The following MACROH2A1 variants were observed in gnomAD, a reference collection of about 807,000 sequenced individuals.
MACROH2A1 encodes core histone macro-H2A.1.
A neutral mutation model predicts 31.6 loss-of-function variants in MACROH2A1; 2 were observed. That is an observed-to-expected ratio of 0.06 (90% CI 0.03 to 0.20). The LOEUF (loss-of-function observed/expected upper bound fraction) is 0.20, where lower values mean the gene tolerates loss of function less well. MACROH2A1 is among the 10% of genes least tolerant of loss of function. The pLI is 1.00. For synonymous variants in MACROH2A1, 169 were observed against 189.6 expected (o/e 0.89, Z 0.89); for missense variants, 230 against 474.0 (o/e 0.49, Z 4.78).
intron 5 of MACROH2A1, chr5:135,359,527 C>T: frequency 1.0e-6 from 1 of 984,766 alleles, no homozygotes; most frequent in Non-Finnish European, 1.2e-6. Flanking sequence ...ACACAGAGTC[C>T]ACCACAGGAA....
intron 4 of MACROH2A1, among the ~76,000 whole-genome samples, chr5:135,367,133 C>G (rs114856249): frequency 6.6e-6 from 1 of 152,230 alleles, no homozygotes; most frequent in African/African-American, 2.4e-5. Context: ...AAGGCTTTCT[C>G]TGCATGTCCC....
chr5:135,358,350 A>G, intron 5 of MACROH2A1: 2 of 985,436 alleles, frequency 2.0e-6, no homozygotes, highest in Non-Finnish European at 2.4e-6. Context: ...TATTTTGGAA[A>G]CATGGAGTTT....
intron 8 of MACROH2A1, among the ~76,000 whole-genome samples, chr5:135,342,025 G>A (rs1759971142): frequency 6.6e-6 from 1 of 152,256 alleles, no homozygotes; most frequent in African/African-American, 2.4e-5. Context: ...AGAACCCCAG[G>A]TTATGGCTCC....
chr5:135,365,677 A>G (rs1469105665), intron 4 of MACROH2A1, among the ~76,000 whole-genome samples: 4 of 152,248 alleles, frequency 2.6e-5, no homozygotes, highest in Non-Finnish European at 5.9e-5. Context: ...AAGATGAGGC[A>G]GTTTTTGAGA....
At chr5:135,352,866 G>A in intron 6 of MACROH2A1, 80 bp downstream of exon 6, 1 of 828,500 alleles carries the variant, frequency 1.2e-6, no homozygotes, top group Non-Finnish European at 2.1e-6. Context: ...TGTAAAGTCT[G>A]GGAAGATGAA....
In MACROH2A1 at chr5:135,334,701, T is replaced by A. The variant is rs1758377504; in HGVS notation, c.*275A>T. On this transcript the variant is annotated 3_prime_UTR_variant, in exon 9 of 9. Transcript: ENST00000511689. Reference sequence around the variant, plus strand: ...CTGCTGTGCGTCAATCAGGGTTTCATTAAAATAAAACTATAAAATCTCCTA... The same window carrying A: ...CTGCTGTGCGTCAATCAGGGTTTCAATAAAATAAAACTATAAAATCTCCTA... 1 of 332,278 alleles carries A rather than the reference T, an allele frequency of 3.0e-6. No homozygotes were observed. The highest frequency in any genetic ancestry group is 4.4e-5 in the Admixed American group (1 of 22,504). 20.6% of individuals were successfully genotyped at this position (332,278 alleles called of 1,614,324 possible). A position where few individuals can be genotyped will look rare whatever the true frequency, so the allele number is the denominator to read the frequency against.
chr5:135,352,173 T>C (rs1411278152), intron 6 of MACROH2A1, among the ~76,000 whole-genome samples: 1 of 152,244 alleles, frequency 6.6e-6, no homozygotes, highest in Non-Finnish European at 1.5e-5. Context: ...TGTGTGCCTA[T>C]TTCCCCTGGC....
At chr5:135,339,776 A>C (rs1201266117) in intron 8 of MACROH2A1, among the ~76,000 whole-genome samples, 2 of 152,198 alleles carry the variant, frequency 1.3e-5, no homozygotes, top group Non-Finnish European at 2.9e-5. Context: ...AGCCGAGAGC[A>C]ATGGTATACA....
intron 8 of MACROH2A1, among the ~76,000 whole-genome samples, chr5:135,336,424 C>T (rs371861447): frequency 9.2e-5 from 14 of 152,322 alleles, no homozygotes; most frequent in Middle Eastern, 3.4e-3. Flanking sequence ...TCTTAGAGGA[C>T]AAGAGATGTG....
At position 135,369,031 on chromosome 5, in the gene MACROH2A1, T is replaced by C. The variant is rs1288602567; in HGVS notation, c.477+375A>G. Among the ~76,000 whole-genome samples, 6 of 152,358 alleles carry C rather than the reference T, an allele frequency of 3.9e-5. No individual in the cohort carries two copies. The highest frequency in any genetic ancestry group is 3.4e-3 in the Middle Eastern group (1 of 294). ...GCAACTGAGCATCAGGGCATGCAGG[T>C]AGCTGGCCACAGGACTAGACAGTGG... On this transcript the variant is annotated intron_variant, in intron 4 of 8. Transcript: ENST00000511689. The surrounding 1 kb of genome is among the most constrained non-coding windows in gnomAD (Gnocchi z 4.3).
intron 8 of MACROH2A1, among the ~76,000 whole-genome samples, chr5:135,341,366 T>C (rs910599136): frequency 5.9e-5 from 9 of 152,218 alleles, no homozygotes; most frequent in African/African-American, 1.9e-4. Context: ...AGCCTGCCCA[T>C]AGCTCAACAA....
chr5:135,334,488 A>C lies in MACROH2A1; in HGVS notation c.*488T>G, dbSNP rs1463800102. On this transcript the variant is annotated 3_prime_UTR_variant, in exon 9 of 9. Coordinates refer to ENST00000511689, the MANE Select transcript of MACROH2A1 (RefSeq NM_138610.3). ...TATTAAATCTTTCATTTTCAAATCC[A>C]TCAATAAGACAAAAAGTAACCAAAA... 1.1e-5 allele frequency: 2 copies of C among 174,990 alleles called. No individual in the cohort carries two copies. The highest frequency in any genetic ancestry group is 1.2e-5 in the Non-Finnish European group (1 of 82,194). 10.8% of individuals were successfully genotyped at this position (174,990 alleles called of 1,614,324 possible). A position where few individuals can be genotyped will look rare whatever the true frequency, so the allele number is the denominator to read the frequency against.
At chr5:135,394,203 CT>C (rs1420054351) in intron 1 of MACROH2A1, among the ~76,000 whole-genome samples, 1 of 152,208 alleles carries the variant, frequency 6.6e-6, no homozygotes, top group Non-Finnish European at 1.5e-5. Context: ...TGCAAACCAC[CT>C]TCATTCCCAC....
At chr5:135,397,726 C>T (rs1391083815) in intron 1 of MACROH2A1, among the ~76,000 whole-genome samples, 1 of 152,168 alleles carries the variant, frequency 6.6e-6, no homozygotes, top group Non-Finnish European at 1.5e-5. Context: ...GTATTAATTC[C>T]AGTTGCAGGC....
chr5:135,335,252 C>T (rs1033734889), intron 8 of MACROH2A1, 111 bp from the exon 9 acceptor site: 10 of 785,694 alleles, frequency 1.3e-5, no homozygotes, highest in Admixed American at 8.9e-5. Flanking sequence ...TGTGTTGGGT[C>T]GGTGTCTGTT....
chr5:135,346,148 G>A (rs970836121), intron 6 of MACROH2A1, 91 bp from the exon 7 acceptor site: 1 of 807,374 alleles, frequency 1.2e-6, no homozygotes, highest in Non-Finnish European at 2.2e-6. Context: ...TACTTCAAAT[G>A]ATCTATTAAA....
intron 7 of MACROH2A1, chr5:135,345,687 T>A: frequency 2.7e-6 from 1 of 372,626 alleles, no homozygotes; most frequent in South Asian, 4.2e-5. Flanking sequence ...AGCTCTTAGA[T>A]GTACCAAACT....
chr5:135,389,144 A>G lies in MACROH2A1; in HGVS notation c.-33-18T>C. 1 of 1,573,528 alleles carries G rather than the reference A, an allele frequency of 6.4e-7. No individual in the cohort carries two copies. The highest frequency in any genetic ancestry group is 1.1e-5 in the South Asian group (1 of 87,366). On this transcript the variant is annotated intron_variant, in intron 1 of 8. Transcript: ENST00000511689. ...TGAGCACACTGTGAAGGCGAGAGGC[A>G]CACCGGTCAGGGTGGCTGGGGACAG...
Position 135,398,680 on chromosome 5 carries a change from G to A in MACROH2A1, c.-34+382C>T, listed in dbSNP as rs1768399222. Among the ~76,000 whole-genome samples, 1 of 152,184 alleles carries A rather than the reference G, an allele frequency of 6.6e-6. No individual in the cohort carries two copies. On this transcript the variant is annotated intron_variant, in intron 1 of 8. Coordinates refer to ENST00000511689, the MANE Select transcript of MACROH2A1 (RefSeq NM_138610.3). The surrounding 1 kb of genome is among the most constrained non-coding windows in gnomAD (Gnocchi z 4.6). ...GCTCCCGGGTGCCCAGGCCCAGACT[G>A]CCTAGCCAGCGCCGCGGGGCCTCCT...
Sources: allele counts gnomAD v4.1 joint callset (sites outside exome capture counted in the v4.1 genomes callset), GRCh38; gene constraint gnomAD v4.1.1; non-coding constraint Gnocchi (gnomAD v3.1); transcripts MANE v1.5; gene names NCBI Gene and HGNC (gene_info 2026-07-23, HGNC 2026-07-21).